OSBPL10: variants seen among roughly 807,000 people sequenced by gnomAD.
The protein encoded by OSBPL10 is oxysterol binding protein like 10.
Under a neutral mutation model 81.7 loss-of-function variants are expected in OSBPL10, and 49 were observed. The observed-to-expected ratio is 0.60, with a 90% CI of 0.48 to 0.76. The LOEUF is 0.76. OSBPL10 is among the 30% of genes least tolerant of loss of function. The pLI, the probability that OSBPL10 is intolerant of heterozygous loss-of-function variation, is 0.00. For missense variants in OSBPL10, 923 were observed against 987.8 expected, an observed-to-expected ratio of 0.93 and a Z score of 0.88; for synonymous variants, 419 against 383.6, an observed-to-expected ratio of 1.09 and a Z score of -1.08.
intron 2 of OSBPL10, chr3:31,989,161 G>T: frequency 6.2e-7 from 1 of 1,614,174 alleles, no homozygotes; most frequent in Non-Finnish European, 8.5e-7. Context: ...GACTTTTAGG[G>T]ATGTGGCTAT....
chr3:31,674,987 G>A lies in OSBPL10; in HGVS notation c.1727-4004C>T, dbSNP rs546090407. ...GGCTAGGTATATTAAATGTAGTTTC[G>A]TCTTAGGATATTTTCACCTTCAGAT... On this transcript the variant is annotated intron_variant, in intron 8 of 11. Transcript: ENST00000396556. 5.3e-5 allele frequency among the ~76,000 whole-genome samples: 8 copies of A among 152,244 alleles called. No homozygotes were observed. In the East Asian group the frequency reaches 5.8e-4, roughly 11 times the overall value.
At chr3:31,934,167 T>C (rs1430985087) in intron 1 of OSBPL10, among the ~76,000 whole-genome samples, 4 of 151,414 alleles carry the variant, frequency 2.6e-5, no homozygotes, top group Non-Finnish European at 5.9e-5. Flanking sequence ...TTGGTCTGTT[T>C]GTTGTTTTTA....
intron 2 of OSBPL10, among the ~76,000 whole-genome samples, chr3:32,043,003 G>A (rs530296097): frequency 6.6e-6 from 1 of 152,182 alleles, no homozygotes; most frequent in Admixed American, 6.5e-5. Flanking sequence ...CAGAAAACAG[G>A]GTTCGAGAGC....
intron 1 of OSBPL10, among the ~76,000 whole-genome samples, chr3:31,955,178 A>G (rs1402520494): frequency 6.6e-6 from 1 of 152,262 alleles, no homozygotes; most frequent in Non-Finnish European, 1.5e-5. Flanking sequence ...AAAAGGAAAG[A>G]TGACAAAATT....
At chr3:32,054,877 C>G (rs565359561) in intron 1 of OSBPL10, among the ~76,000 whole-genome samples, 3 of 152,234 alleles carry the variant, frequency 2.0e-5, no homozygotes, top group Admixed American at 6.5e-5. Flanking sequence ...TTTGGTCATT[C>G]ACAGAAAATT....
chr3:31,980,835 ACGCACG>A, intron 1 of OSBPL10, 58 bp downstream of exon 1: 2 of 1,419,538 alleles, frequency 1.4e-6, no homozygotes, highest in African/African-American at 2.0e-5. Context: ...ACATACACAC[ACGCACG>A]CACACACACA....
rs536738033 is a variant in OSBPL10 at position 31,684,168 on chromosome 3, T to C, written c.1246-54A>G. Reference sequence around the variant, plus strand: ...AATCCCTGGGATTACACGGAAAAGCTGAAAAGAAAGGTAAAGGCTGCAACC... The same window carrying C: ...AATCCCTGGGATTACACGGAAAAGCCGAAAAGAAAGGTAAAGGCTGCAACC... On this transcript the variant is annotated intron_variant, in intron 7 of 11. Transcript: ENST00000396556. 3.5e-5 allele frequency: 56 copies of C among 1,584,378 alleles called. No individual in the cohort carries two copies. In the African/African-American group the frequency reaches 7.5e-4, roughly 21 times the overall value.
chr3:31,661,913 G>A lies in OSBPL10; in HGVS notation c.*159C>T, dbSNP rs991610643. ...TAAATTCATTCCTCTAGCAGAGTGT[G>A]GGGGTGCACTTTTCATAGTATATAA... On this transcript the variant is annotated 3_prime_UTR_variant, in exon 12 of 12. Transcript: ENST00000396556. 2.8e-6 allele frequency: 3 copies of A among 1,055,362 alleles called. No individual in the cohort carries two copies. Among genetic ancestry groups the A allele is most frequent in the Non-Finnish European group, 4.1e-6 (3 of 737,148 alleles). The allele number at this position is 1,055,362 out of a possible 1,614,324, so 65.4% of individuals were successfully genotyped here. A position where few individuals can be genotyped will look rare whatever the true frequency, so the allele number is the denominator to read the frequency against.
At chr3:31,702,328 G>A in intron 7 of OSBPL10, 31 bp downstream of exon 7, 2 of 1,609,706 alleles carry the variant, frequency 1.2e-6, no homozygotes, top group Non-Finnish European at 1.7e-6. Flanking sequence ...CCCAACAACT[G>A]ACCACAAATC....
At chr3:31,888,011 C>T (rs889531974) in intron 1 of OSBPL10, among the ~76,000 whole-genome samples, 6 of 152,010 alleles carry the variant, frequency 3.9e-5, no homozygotes, top group African/African-American at 1.5e-4. Context: ...ATCACCAAGC[C>T]AGGAACAAAT....
intron 8 of OSBPL10, 95 bp from the exon 9 acceptor site, chr3:31,671,078 T>C (rs1385961780): frequency 8.3e-7 from 1 of 1,207,586 alleles, no homozygotes; most frequent in Non-Finnish European, 1.1e-6. Flanking sequence ...AAGAGCCTCC[T>C]GCACAGATGT....
intron 3 of OSBPL10, among the ~76,000 whole-genome samples, chr3:31,838,181 G>A (rs868379259): frequency 2.0e-5 from 3 of 151,986 alleles, no homozygotes; most frequent in African/African-American, 4.8e-5. Flanking sequence ...TGCATATTAC[G>A]GTCTAAATAT....
intron 2 of OSBPL10, among the ~76,000 whole-genome samples, chr3:32,017,256 A>C: frequency 6.6e-6 from 1 of 152,212 alleles, no homozygotes; most frequent in East Asian, 1.9e-4. Context: ...ACTTTCAAAG[A>C]AGTTAAAAAG....
chr3:32,017,474 C>CTAATATGGTT (rs1699322468), intron 2 of OSBPL10, among the ~76,000 whole-genome samples: 1 of 151,856 alleles, frequency 6.6e-6, no homozygotes, highest in African/African-American at 2.4e-5. Context: ...AATAACTTAC[C>CTAATATGGTT]TAATATGGTT....
At chr3:31,754,891 A>G (rs1697840980) in intron 4 of OSBPL10, among the ~76,000 whole-genome samples, 1 of 151,904 alleles carries the variant, frequency 6.6e-6, no homozygotes, top group Non-Finnish European at 1.5e-5. Flanking sequence ...ACTCTACCCT[A>G]GATATTTTGG....
At chr3:31,915,833 C>A (rs1442280520) in intron 1 of OSBPL10, among the ~76,000 whole-genome samples, 2 of 152,086 alleles carry the variant, frequency 1.3e-5, no homozygotes, top group Non-Finnish European at 2.9e-5. Flanking sequence ...GTAGCTCACG[C>A]CTGTAATCCC....
At chr3:31,867,714 G>T (rs1254314029) in intron 3 of OSBPL10, among the ~76,000 whole-genome samples, 2 of 150,450 alleles carry the variant, frequency 1.3e-5, no homozygotes. Flanking sequence ...CTGCACTCCA[G>T]CCTGGGCGCA....
chr3:31,808,464 A>C (rs1699576087), intron 4 of OSBPL10, among the ~76,000 whole-genome samples: 1 of 152,218 alleles, frequency 6.6e-6, no homozygotes, highest in Admixed American at 6.5e-5. Context: ...TTCATTTCTT[A>C]AACAATCAGT....
intron 4 of OSBPL10, among the ~76,000 whole-genome samples, chr3:31,810,160 C>A (rs777490939): frequency 1.3e-5 from 2 of 151,918 alleles, no homozygotes; most frequent in Non-Finnish European, 2.9e-5. Flanking sequence ...CATGAGCCAC[C>A]GCACCTCGCC....
Sources: allele counts gnomAD v4.1 joint callset (sites outside exome capture counted in the v4.1 genomes callset), GRCh38; gene constraint gnomAD v4.1.1; transcripts MANE v1.5; gene names NCBI Gene and HGNC (gene_info 2026-07-23, HGNC 2026-07-21).